The following GPC6 variants were observed in gnomAD, a reference collection of about 807,000 sequenced individuals.
The protein encoded by GPC6 is glypican-6.
GPC6 carries 14 observed loss-of-function variants against 55.2 expected under a neutral mutation model. That is an observed-to-expected ratio of 0.25 (90% confidence interval 0.17 to 0.40). GPC6 has a LOEUF of 0.40. GPC6 is among the 10% of genes least tolerant of loss of function. The pLI, the probability that GPC6 is intolerant of heterozygous loss-of-function variation, is 1.00. For synonymous variants in GPC6, 278 were observed against 259.6 expected (o/e 1.07, Z -0.68); for missense variants, 641 against 708.5 (o/e 0.90, Z 1.08).
chr13:94,179,162 C>T (rs1888898744), intron 4 of GPC6, among the ~76,000 whole-genome samples: 1 of 152,188 alleles, frequency 6.6e-6, no homozygotes, highest in South Asian at 2.1e-4. Context: ...AGTATCCTCA[C>T]CCTCCTGCAT....
chr13:94,367,902 G>C (rs576146856), intron 6 of GPC6, among the ~76,000 whole-genome samples: 2 of 152,120 alleles, frequency 1.3e-5, no homozygotes, highest in African/African-American at 4.8e-5. Flanking sequence ...TGTAATCCCA[G>C]CACTTTGGGA....
At position 94,056,608 on chromosome 13, in the gene GPC6, C is replaced by T. The variant is rs79357629; in HGVS notation, c.877+28714C>T. Among the ~76,000 whole-genome samples the T allele has an allele frequency of 7.4e-3, 1,131 of 152,146 alleles. 15 individuals carry two copies. The highest frequency in any genetic ancestry group is 0.025 in the African/African-American group (1,037 of 41,520). Reference sequence around the variant, plus strand: ...AGTGTCTGAGAATCTGGAAGATGAGCGTCAGATTTTAACAGTATAATCTTG... The same window carrying T: ...AGTGTCTGAGAATCTGGAAGATGAGTGTCAGATTTTAACAGTATAATCTTG... On this transcript the variant is annotated intron_variant, in intron 4 of 8. Coordinates refer to ENST00000377047, the MANE Select transcript of GPC6 (RefSeq NM_005708.5).
rs997580983 is a variant in GPC6, at chr13:94,343,152, G to A, written c.1152+37029G>A. ...CTATCACTCCGGGATCATCCACTTC[G>A]AGGGCAGGCTGAGTGAAGGTCATTT... On this transcript the variant is annotated intron_variant, in intron 6 of 8. Coordinates refer to ENST00000377047, the MANE Select transcript of GPC6 (RefSeq NM_005708.5). 2.7e-4 allele frequency among the ~76,000 whole-genome samples: 41 copies of A among 152,126 alleles called. 1 individual carries two copies. The highest frequency in any genetic ancestry group is 4.1e-4 in the South Asian group (2 of 4,828).
Position 93,830,612 on chromosome 13 carries a change from TAAA to T in GPC6, c.711+91_711+93del, listed in dbSNP as rs369020255. 3,563 of 323,532 alleles carry T rather than the reference TAAA, an allele frequency of 0.011. 46 individuals are homozygous for T. Among genetic ancestry groups the T allele is most frequent in the African/African-American group, 0.074 (2,028 of 27,272 alleles). 20.0% of individuals were successfully genotyped at this position (323,532 alleles called of 1,614,324 possible). ...TTATTCTGTTTTTAAAACCAATGTT[TAAA>T]AAAAAAAAAAAAAAAAAAAAAAACC... is the stretch of plus-strand genomic sequence containing the variant. On this transcript the variant is annotated intron_variant, in intron 3 of 8. Transcript: ENST00000377047.
intron 4 of GPC6, among the ~76,000 whole-genome samples, chr13:94,257,093 G>A (rs182890364): frequency 1.6e-4 from 25 of 152,218 alleles, no homozygotes; most frequent in Non-Finnish European, 2.8e-4. Flanking sequence ...GAGAGTTTAG[G>A]GAGACCCTAA....
At chr13:93,500,715 C>T (rs1880489692) in intron 1 of GPC6, among the ~76,000 whole-genome samples, 1 of 152,050 alleles carries the variant, frequency 6.6e-6, no homozygotes, top group Admixed American at 6.5e-5. Context: ...GTTCTTGCAC[C>T]ATGAGAGGGC....
intron 4 of GPC6, among the ~76,000 whole-genome samples, chr13:94,100,547 C>A (rs1885819512): frequency 1.3e-5 from 2 of 152,156 alleles, no homozygotes; most frequent in African/African-American, 2.4e-5. Context: ...AGTCCTAGAA[C>A]CTTGCAGAGC....
intron 1 of GPC6, among the ~76,000 whole-genome samples, chr13:93,402,364 C>T (rs958406995): frequency 2.6e-5 from 4 of 152,118 alleles, no homozygotes; most frequent in African/African-American, 9.7e-5. Context: ...GTTTGTAGCA[C>T]GCCATCCCAG....
intron 4 of GPC6, among the ~76,000 whole-genome samples, chr13:94,034,263 A>AAG (rs1883257803): frequency 6.9e-6 from 1 of 144,956 alleles, no homozygotes; most frequent in African/African-American, 2.5e-5. Context: ...GAAAGAAAGA[A>AAG]AAGAGTTGGC....
intron 2 of GPC6, among the ~76,000 whole-genome samples, chr13:93,591,048 A>G (rs752706190): frequency 2.0e-5 from 3 of 151,950 alleles, no homozygotes; most frequent in Admixed American, 6.6e-5. Flanking sequence ...CATAGGGAAA[A>G]TGCAAGTTCT....
At chr13:93,921,689 G>A (rs1877582366) in intron 3 of GPC6, among the ~76,000 whole-genome samples, 1 of 151,434 alleles carries the variant, frequency 6.6e-6, no homozygotes, top group African/African-American at 2.4e-5. Flanking sequence ...CCTGGGGCTT[G>A]GGGTTTATAT....
chr13:94,228,339 C>G (rs779854866), intron 4 of GPC6, among the ~76,000 whole-genome samples: 2 of 151,970 alleles, frequency 1.3e-5, no homozygotes, highest in Non-Finnish European at 2.9e-5. Context: ...ATATTTTTCA[C>G]CCTTAACACA....
chr13:93,911,312 A>T (rs1876963624), intron 3 of GPC6, among the ~76,000 whole-genome samples: 1 of 152,200 alleles, frequency 6.6e-6, no homozygotes, highest in Admixed American at 6.5e-5. Flanking sequence ...ACCTTAAGAA[A>T]ATGGAAGGAC....
At chr13:94,134,412 G>A (rs1887110592) in intron 4 of GPC6, among the ~76,000 whole-genome samples, 1 of 152,182 alleles carries the variant, frequency 6.6e-6, no homozygotes, top group South Asian at 2.1e-4. Context: ...CACATTTCCA[G>A]AATTTGGCAA....
intron 2 of GPC6, among the ~76,000 whole-genome samples, chr13:93,577,769 GGA>G (rs2139483905): frequency 6.6e-6 from 1 of 152,116 alleles, no homozygotes; most frequent in South Asian, 2.1e-4. Flanking sequence ...TGGTGAAAGT[GGA>G]CATCCTTGTC....
At chr13:93,920,347 G>A (rs555115562) in intron 3 of GPC6, among the ~76,000 whole-genome samples, 1 of 151,908 alleles carries the variant, frequency 6.6e-6, no homozygotes, top group South Asian at 2.1e-4. Context: ...TCCAGTTTCT[G>A]TGGCTTTAAC....
At chr13:93,454,625 G>T (rs547648437) in intron 1 of GPC6, among the ~76,000 whole-genome samples, 59 of 151,846 alleles carry the variant, frequency 3.9e-4, no homozygotes, top group Non-Finnish European at 7.1e-4. Context: ...TACAAACCTT[G>T]AGCTAGAGAC....
intron 1 of GPC6, among the ~76,000 whole-genome samples, chr13:93,523,461 AT>A (rs1230691880): frequency 3.2e-5 from 1 of 30,896 alleles, no homozygotes; most frequent in Non-Finnish European, 8.4e-5. Context: ...ACATACACAC[AT>A]ATGACATTTT....
At chr13:93,902,282 CAT>C (rs1489539665) in intron 3 of GPC6, among the ~76,000 whole-genome samples, 1 of 152,110 alleles carries the variant, frequency 6.6e-6, no homozygotes, top group Non-Finnish European at 1.5e-5. Flanking sequence ...TTAGATTCCA[CAT>C]ATGAGTGAGA....
Sources: gnomAD v4.1 joint callset for allele counts (sites outside exome capture counted in the v4.1 genomes callset) on GRCh38, gnomAD v4.1.1 for gene constraint, MANE v1.5 for transcripts, NCBI Gene and HGNC (gene_info 2026-07-23, HGNC 2026-07-21) for gene names.